Variants in EHMT1 observed in about 807,000 individuals in gnomAD.
The protein encoded by EHMT1 is euchromatic histone lysine methyltransferase 1.
EHMT1 carries 15 observed loss-of-function variants against 147.2 expected under a neutral mutation model. That is an observed-to-expected ratio of 0.10 (90% CI 0.07 to 0.16). The LOEUF (loss-of-function observed/expected upper bound fraction) is 0.16, where lower values mean the gene tolerates loss of function less well. Among genes scored for constraint, EHMT1 ranks in the 10% least tolerant of loss-of-function variants. The probability of loss-of-function intolerance (pLI) is 1.00; values close to 1 mark genes in which losing one functional copy is unlikely to be tolerated. For synonymous variants in EHMT1, 795 were observed against 709.6 expected, an observed-to-expected ratio of 1.12 and a Z score of -1.91; for missense variants, 1,587 against 1,772.4, an observed-to-expected ratio of 0.90 and a Z score of 1.88.
intron 25 of EHMT1, among the ~76,000 whole-genome samples, chr9:137,833,840 G>C (rs1956398162): frequency 6.6e-6 from 1 of 152,216 alleles, no homozygotes; most frequent in Non-Finnish European, 1.5e-5. Context: ...GGTCCTCCCT[G>C]GTGCCATTCG....
intron 25 of EHMT1, among the ~76,000 whole-genome samples, chr9:137,818,521 C>T (rs1210974378): frequency 2.0e-5 from 3 of 149,896 alleles, no homozygotes; most frequent in African/African-American, 5.0e-5. Flanking sequence ...TGAGGGGGGG[C>T]GCCATGTACC....
At position 137,814,316 on chromosome 9, in the gene EHMT1, T is replaced by G. The variant is rs7851955; in HGVS notation, c.3181-115T>G. On this transcript the variant is annotated intron_variant, in intron 21 of 26. Transcript: ENST00000460843. ...AGGCCACACACTCACGTGGTGCCTT[T>G]GAGAAGCACTTACCAGAATCAGGGT... is the stretch of plus-strand genomic sequence containing the variant. 682,157 of 1,142,012 alleles carry G rather than the reference T, an allele frequency of 0.6. 212,782 individuals carry two copies. Among genetic ancestry groups the G allele is most frequent in the East Asian group, 0.9 (38,094 of 42,470 alleles). The allele number at this position is 1,142,012 out of a possible 1,614,324, so 70.7% of individuals were successfully genotyped here.
intron 18 of EHMT1, among the ~76,000 whole-genome samples, chr9:137,807,582 A>C (rs957594010): frequency 6.6e-6 from 1 of 151,830 alleles, no homozygotes; most frequent in Non-Finnish European, 1.5e-5. Context: ...ATCTTGGCCC[A>C]TTGTAACCTC....
At chr9:137,715,689 A>G (rs1945148542) in intron 2 of EHMT1, 2 of 985,396 alleles carry the variant, frequency 2.0e-6, no homozygotes, top group Non-Finnish European at 2.4e-6. Flanking sequence ...TGCCCTGGAT[A>G]TGATTTCCTG....
chr9:137,704,016 G>T (rs2135235422), intron 1 of EHMT1, among the ~76,000 whole-genome samples: 1 of 152,238 alleles, frequency 6.6e-6, no homozygotes, highest in Middle Eastern at 3.4e-3. Context: ...AGGGCAAAGG[G>T]GAAGCGAGCA....
intron 1 of EHMT1, among the ~76,000 whole-genome samples, chr9:137,641,971 C>T (rs1844521976): frequency 6.6e-6 from 1 of 152,010 alleles, no homozygotes; most frequent in South Asian, 2.1e-4. Context: ...TCCTGAGTAG[C>T]TGGGACTACA....
At chr9:137,706,312 C>G (rs1424323416) in intron 1 of EHMT1, among the ~76,000 whole-genome samples, 1 of 152,220 alleles carries the variant, frequency 6.6e-6, no homozygotes, top group Admixed American at 6.5e-5. Context: ...AGTTTGCTCA[C>G]TCCAGCTAGG....
chr9:137,704,691 A>G (rs1944103581), intron 1 of EHMT1, among the ~76,000 whole-genome samples: 1 of 151,914 alleles, frequency 6.6e-6, no homozygotes, highest in African/African-American at 2.4e-5. Flanking sequence ...TTTGTATTTA[A>G]AAGGCCCTTT....
intron 3 of EHMT1, among the ~76,000 whole-genome samples, chr9:137,717,853 A>G (rs1216091483): frequency 5.3e-5 from 8 of 152,198 alleles, no homozygotes; most frequent in Non-Finnish European, 1.0e-4. Flanking sequence ...GTGAATAGAA[A>G]TGAACTTGGT....
rs1382339690 is a variant in EHMT1, at chr9:137,775,192, C to T, written c.1731C>T (p.Asp577=). The T allele has an allele frequency of 2.5e-6, 4 of 1,613,642 alleles. No individual in the cohort carries two copies. In the African/African-American group the frequency reaches 4.0e-5, roughly 16 times the overall value. ...CCCCGCTCCTCGTGCTGTGTGAAGACCACCGGGGCCGCATGGTGAAGCACC... is the reference window on the plus strand; with the variant it reads ...CCCCGCTCCTCGTGCTGTGTGAAGATCACCGGGGCCGCATGGTGAAGCACC... ...NKAPLLVLCE[D]HRGRMVKHQC... is the part of the protein sequence containing the mutation. The change falls in exon 11 of 27, where the codon GAC becomes GAT. Residue 577 remains aspartate, a synonymous_variant. Transcript: ENST00000460843. The surrounding 1 kb of genome is among the most constrained non-coding windows in gnomAD (Gnocchi z 6.1).
At chr9:137,780,719 C>T (rs1282128986) in intron 14 of EHMT1, among the ~76,000 whole-genome samples, 4 of 58,322 alleles carry the variant, frequency 6.9e-5, no homozygotes, top group African/African-American at 1.8e-4. Flanking sequence ...GTGATGACGC[C>T]GGTATGTGTG....
chr9:137,781,098 G>A (rs1951454279), intron 14 of EHMT1, among the ~76,000 whole-genome samples: 1 of 78,458 alleles, frequency 1.3e-5, no homozygotes, highest in Non-Finnish European at 2.6e-5. Flanking sequence ...GCTGGGATGT[G>A]TGGTGATGAC....
At chr9:137,739,309 T>C (rs979974526) in intron 4 of EHMT1, among the ~76,000 whole-genome samples, 5 of 146,620 alleles carry the variant, frequency 3.4e-5, no homozygotes, top group Non-Finnish European at 5.9e-5. Context: ...TGAGCGGAGA[T>C]CGCACCAATG....
intron 1 of EHMT1, among the ~76,000 whole-genome samples, chr9:137,681,575 C>T (rs1331609785): frequency 6.6e-6 from 1 of 152,060 alleles, no homozygotes; most frequent in Non-Finnish European, 1.5e-5. Context: ...TTCTAATTTC[C>T]CTGCTTGTCC....
chr9:137,655,717 C>T (rs1347925295), intron 1 of EHMT1, among the ~76,000 whole-genome samples: 1 of 152,164 alleles, frequency 6.6e-6, no homozygotes, highest in Non-Finnish European at 1.5e-5. Context: ...ATTAGACTCT[C>T]ATAGGAGCGA....
intron 15 of EHMT1, among the ~76,000 whole-genome samples, chr9:137,783,808 C>T (rs1245163207): frequency 2.0e-5 from 3 of 152,244 alleles, no homozygotes; most frequent in Non-Finnish European, 4.4e-5. Flanking sequence ...GTCTGTCCCC[C>T]GTTTCCGGAG....
chr9:137,801,992 G>A (rs1953529032), intron 18 of EHMT1, among the ~76,000 whole-genome samples: 2 of 152,232 alleles, frequency 1.3e-5, no homozygotes, highest in Admixed American at 1.3e-4. Context: ...TTTCTAGGAT[G>A]TGATTTAAGA....
intron 10 of EHMT1, among the ~76,000 whole-genome samples, chr9:137,771,197 CTTTT>C (rs1189483493): frequency 4.7e-5 from 5 of 105,900 alleles, no homozygotes; most frequent in Admixed American, 1.1e-4. Flanking sequence ...TCTTCCATGT[CTTTT>C]TTTTTTTTTT....
At chr9:137,642,050 A>G (rs1225252583) in intron 1 of EHMT1, among the ~76,000 whole-genome samples, 2 of 151,508 alleles carry the variant, frequency 1.3e-5, no homozygotes, top group African/African-American at 2.4e-5. Flanking sequence ...AAGTTGGCCA[A>G]GCTGGTCCTG....
Sources: allele counts gnomAD v4.1 joint callset (sites outside exome capture counted in the v4.1 genomes callset), GRCh38; gene constraint gnomAD v4.1.1; non-coding constraint Gnocchi (gnomAD v3.1); transcripts MANE v1.5; gene names NCBI Gene and HGNC (gene_info 2026-07-23, HGNC 2026-07-21).